The following NFATC2 variants were observed in gnomAD, a reference collection of about 807,000 sequenced individuals.
NFATC2 encodes the protein nuclear factor of activated T cells 2, also known as nuclear factor of activated T-cells, cytoplasmic 2.
A neutral mutation model predicts 87.3 loss-of-function variants in NFATC2; 22 were observed. The observed-to-expected ratio is 0.25, with a 90% CI of 0.18 to 0.36. The LOEUF (loss-of-function observed/expected upper bound fraction) is 0.36. Among genes scored for constraint, NFATC2 ranks in the 10% least tolerant of loss-of-function variants. The pLI is 1.00. For synonymous variants in NFATC2, 565 were observed against 542.2 expected, an observed-to-expected ratio of 1.04 and a Z score of -0.58; for missense variants, 1,149 against 1,259.1, an observed-to-expected ratio of 0.91 and a Z score of 1.32.
chr20:51,461,660 G>GT (rs1171287891), intron 5 of NFATC2, among the ~76,000 whole-genome samples: 2 of 152,362 alleles, frequency 1.3e-5, no homozygotes, highest in African/African-American at 4.8e-5. Flanking sequence ...CCGGCACAGG[G>GT]TTCCCCCACA....
At chr20:51,501,595 G>A (rs576044826) in intron 3 of NFATC2, among the ~76,000 whole-genome samples, 8 of 152,066 alleles carry the variant, frequency 5.3e-5, no homozygotes, top group African/African-American at 1.7e-4. Context: ...CCATTCAAAC[G>A]GCACCCCTTC....
rs1568926593 is a variant in NFATC2, at chr20:51,398,655, T to C, written c.*32A>G. 2 of 1,608,712 alleles carry C rather than the reference T, an allele frequency of 1.2e-6. No individual in the cohort carries two copies. Among genetic ancestry groups the C allele is most frequent in the African/African-American group, 1.3e-5 (1 of 74,898 alleles). On this transcript the variant is annotated 3_prime_UTR_variant, in exon 10 of 11. Coordinates refer to ENST00000371564, the MANE Select transcript of NFATC2 (RefSeq NM_012340.5). Reference sequence around the variant, plus strand: ...AGATATCGATTACCTTTAACTTTGATTTCTCGGATCAAAGATCACAGTCAT... The same window carrying C: ...AGATATCGATTACCTTTAACTTTGACTTCTCGGATCAAAGATCACAGTCAT...
chr20:51,540,658 G>GTTTGTTTTTTTTTTTT (rs2076797365), intron 1 of NFATC2, among the ~76,000 whole-genome samples: 1 of 110,052 alleles, frequency 9.1e-6, no homozygotes, highest in African/African-American at 3.7e-5. Context: ...TTTTTTTTTT[G>GTTTGTTTTTTTTTTTT]TTTTTTTTTT....
Position 51,446,848 on chromosome 20 carries a change from G to A in NFATC2, c.1849+7700C>T, listed in dbSNP as rs564669270. On this transcript the variant is annotated intron_variant, in intron 6 of 10. Coordinates refer to ENST00000371564, the MANE Select transcript of NFATC2 (RefSeq NM_012340.5). ...GGGGGGCCACTGACACCAGGGACAT[G>A]AGTCACAGAGGGCAAAGGTCCGGAG... Among the ~76,000 whole-genome samples, 5 of 152,326 alleles carry A rather than the reference G, an allele frequency of 3.3e-5. No individual in the cohort carries two copies. In the South Asian group the frequency reaches 1.0e-3, roughly 32 times the overall value.
rs372408627 is a variant in NFATC2 at position 51,472,073 on chromosome 20, C to T, written c.1708+1907G>A. 3.9e-5 allele frequency among the ~76,000 whole-genome samples: 6 copies of T among 151,994 alleles called. No homozygotes were observed. In the East Asian group the frequency reaches 9.7e-4, roughly 25 times the overall value. ...TTCGAGACCAGCCTGGCCAACATGG[C>T]GAAACCCTGTCTCTACTAAAAAATA... On this transcript the variant is annotated intron_variant, in intron 5 of 10. Transcript: ENST00000371564.
At chr20:51,447,168 A>G (rs1985175801) in intron 6 of NFATC2, among the ~76,000 whole-genome samples, 1 of 152,210 alleles carries the variant, frequency 6.6e-6, no homozygotes, top group Non-Finnish European at 1.5e-5. Flanking sequence ...CCTCCAAGTA[A>G]TAAAATGACT....
intron 1 of NFATC2, among the ~76,000 whole-genome samples, chr20:51,526,322 G>A (rs2076545149): frequency 6.6e-6 from 1 of 152,110 alleles, no homozygotes; most frequent in Admixed American, 6.5e-5. Flanking sequence ...ATTGACACAG[G>A]GTGAACAAAG....
intron 9 of NFATC2, among the ~76,000 whole-genome samples, chr20:51,427,645 C>A (rs1003446077): frequency 6.6e-5 from 10 of 152,208 alleles, no homozygotes; most frequent in African/African-American, 2.2e-4. Context: ...TGAAAGCCTG[C>A]GGGAGCAAGC....
At chr20:51,443,432 A>G (rs1343856106) in intron 6 of NFATC2, among the ~76,000 whole-genome samples, 1 of 152,232 alleles carries the variant, frequency 6.6e-6, no homozygotes, top group Non-Finnish European at 1.5e-5. Flanking sequence ...GCCAGGGTCC[A>G]GGAAACATCT....
chr20:51,448,575 C>T (rs1400343019), intron 6 of NFATC2, among the ~76,000 whole-genome samples: 1 of 152,076 alleles, frequency 6.6e-6, no homozygotes, highest in Non-Finnish European at 1.5e-5. Flanking sequence ...ACCTGGGAGG[C>T]GGAGCTTGCA....
At chr20:51,539,378 CAA>C (rs1190427157) in intron 1 of NFATC2, among the ~76,000 whole-genome samples, 1 of 152,188 alleles carries the variant, frequency 6.6e-6, no homozygotes, top group African/African-American at 2.4e-5. Flanking sequence ...CATACAGAAG[CAA>C]AGAGAGGTGA....
intron 3 of NFATC2, among the ~76,000 whole-genome samples, chr20:51,484,247 A>G (rs1167203111): frequency 6.6e-6 from 1 of 151,846 alleles, no homozygotes; most frequent in East Asian, 1.9e-4. Context: ...TGCAGGGCTC[A>G]CCCCACTCTT....
In NFATC2 at chr20:51,467,754, G is replaced by A; in HGVS notation, c.1708+6226C>T. ...GAACTCTCATACATCCTTGTTCAGA[G>A]TGGACTATGATGTTGAAAATACATA... On this transcript the variant is annotated intron_variant, in intron 5 of 10. Coordinates refer to ENST00000371564, the MANE Select transcript of NFATC2 (RefSeq NM_012340.5). Among the ~76,000 whole-genome samples the A allele has an allele frequency of 1.3e-5, 2 of 152,172 alleles. 1 individual carries two copies. The highest frequency in any genetic ancestry group is 2.9e-5 in the Non-Finnish European group (2 of 68,036).
At position 51,387,555 on chromosome 20, in the gene NFATC2, A is replaced by G. The variant is rs1259749684; in HGVS notation, c.*3941T>C. The G allele has an allele frequency of 6.6e-6, 1 of 152,214 alleles. No individual in the cohort carries two copies. Among genetic ancestry groups the G allele is most frequent in the African/African-American group, 2.4e-5 (1 of 41,448 alleles). 9.4% of individuals were successfully genotyped at this position (152,214 alleles called of 1,614,324 possible). A position where few individuals can be genotyped will look rare whatever the true frequency, so the allele number is the denominator to read the frequency against. ...AAGGCACTCACAAAAGCTGAGGGAA[A>G]TGGATGTTTATGATCACAATTTTAT... On this transcript the variant is annotated 3_prime_UTR_variant, in exon 11 of 11. Transcript: ENST00000371564.
chr20:51,401,818 T>TAATC (rs1358131344), intron 9 of NFATC2, among the ~76,000 whole-genome samples: 16 of 152,170 alleles, frequency 1.1e-4, no homozygotes, highest in African/African-American at 3.6e-4. Context: ...CTGATGAGCT[T>TAATC]AATCAATGGT....
intron 9 of NFATC2, among the ~76,000 whole-genome samples, chr20:51,404,063 C>T (rs1988318456): frequency 6.6e-6 from 1 of 152,168 alleles, no homozygotes; most frequent in South Asian, 2.1e-4. Flanking sequence ...CCTGATATCC[C>T]CACCGCCACA....
At chr20:51,522,941 G>T (rs2076472587) in intron 2 of NFATC2, 140 bp downstream of exon 2, 4 of 1,205,366 alleles carry the variant, frequency 3.3e-6, no homozygotes, top group South Asian at 1.5e-5. Context: ...TCAGGGTCTC[G>T]CAACCAGCAA....
chr20:51,488,061 G>C (rs1168351472), intron 3 of NFATC2, among the ~76,000 whole-genome samples: 1 of 152,028 alleles, frequency 6.6e-6, no homozygotes, highest in African/African-American at 2.4e-5. Flanking sequence ...GAGCGTATGG[G>C]GCCTGGCTTC....
At chr20:51,459,337 A>G (rs1478229176) in intron 5 of NFATC2, among the ~76,000 whole-genome samples, 1 of 152,172 alleles carries the variant, frequency 6.6e-6, no homozygotes, top group East Asian at 1.9e-4. Context: ...ATTTATATCA[A>G]TCGGCCAGAA....
Sources: allele counts gnomAD v4.1 joint callset (sites outside exome capture counted in the v4.1 genomes callset), GRCh38; gene constraint gnomAD v4.1.1; transcripts MANE v1.5; gene names NCBI Gene and HGNC (gene_info 2026-07-23, HGNC 2026-07-21).